Variants in CLIC6 observed in about 807,000 individuals in gnomAD.
The protein encoded by CLIC6 is CLIC family member 6.
CLIC6 carries 39 observed loss-of-function variants against 49.2 expected under a neutral mutation model. That is an observed-to-expected ratio of 0.79 (90% CI 0.61 to 1.04). CLIC6 has a LOEUF of 1.04. CLIC6 is among the 50% of genes least tolerant of loss of function. The pLI is 0.00. For missense variants in CLIC6, 988 were observed against 993.1 expected (o/e 0.99, Z 0.07); for synonymous variants, 446 against 433.4 (o/e 1.03, Z -0.36).
At chr21:34,703,294 C>T (rs2055992609) in intron 1 of CLIC6, among the ~76,000 whole-genome samples, 1 of 152,152 alleles carries the variant, frequency 6.6e-6, no homozygotes, top group Non-Finnish European at 1.5e-5. Flanking sequence ...CTTGATGGAA[C>T]GTGTTCACCA....
At position 34,717,975 on chromosome 21, in the gene CLIC6, A is replaced by G. The variant is rs1474790371; in HGVS notation, c.*1493A>G. On this transcript the variant is annotated 3_prime_UTR_variant, in exon 6 of 6. Transcript: ENST00000349499. ...CTGCTGCAGTTTTACCCCAGCAGTC[A>G]GCTGTCTTTGTCAACCATACGTTTT... The G allele has an allele frequency of 1.3e-5, 2 of 152,558 alleles. No homozygotes were observed. Among genetic ancestry groups the G allele is most frequent in the Non-Finnish European group, 2.9e-5 (2 of 68,042 alleles). The allele number at this position is 152,558 out of a possible 1,614,324, so 9.5% of individuals were successfully genotyped here.
intron 1 of CLIC6, among the ~76,000 whole-genome samples, chr21:34,685,837 G>A (rs1163786094): frequency 6.6e-6 from 1 of 152,200 alleles, no homozygotes; most frequent in Non-Finnish European, 1.5e-5. Flanking sequence ...GCTAAGGGAA[G>A]TCCTGCACAT....
intron 1 of CLIC6, among the ~76,000 whole-genome samples, chr21:34,677,695 C>A (rs1223659841): frequency 6.6e-6 from 1 of 152,114 alleles, no homozygotes; most frequent in Non-Finnish European, 1.5e-5. Flanking sequence ...CCTCCTTCAT[C>A]AGGGAGGAGA....
At position 34,707,353 on chromosome 21, in the gene CLIC6, G is replaced by A. The variant is rs2056021985; in HGVS notation, c.1448G>A (p.Gly483Asp). The A allele has an allele frequency of 1.2e-6, 2 of 1,613,768 alleles. No homozygotes were observed. The highest frequency in any genetic ancestry group is 8.5e-7 in the Non-Finnish European group (1 of 1,179,874). Residue 483 changes from glycine (G) to aspartate (D), a missense_variant, in exon 2 of 6, where the codon GGC becomes GAC. By Grantham distance (94) the Gly-to-Asp change is moderately conservative. Around this residue, in one of 3 missense-constraint regions of CLIC6, gnomAD observed 647 missense variants for 596.9 expected, o/e 1.08. Transcript: ENST00000349499. ...CTCTTTATGATTCTCTGGCTGAAAG[G>A]CGTTATATTTAATGTGACCACAGTG... ...QRLFMILWLK[G>D]VIFNVTTVDL...
chr21:34,704,593 G>A (rs759700452), intron 1 of CLIC6, among the ~76,000 whole-genome samples: 19 of 152,226 alleles, frequency 1.2e-4, no homozygotes, highest in Non-Finnish European at 2.2e-4. Context: ...CGTGTCTTAA[G>A]CTGTGGCCGA....
intron 1 of CLIC6, among the ~76,000 whole-genome samples, chr21:34,676,678 A>G (rs1989677640): frequency 6.6e-6 from 1 of 152,220 alleles, no homozygotes; most frequent in African/African-American, 2.4e-5. Flanking sequence ...ACCTGCAGAC[A>G]CAGTGGTAAT....
At chr21:34,689,515 C>A (rs1989948927) in intron 1 of CLIC6, among the ~76,000 whole-genome samples, 1 of 152,088 alleles carries the variant, frequency 6.6e-6, no homozygotes, top group African/African-American at 2.4e-5. Context: ...TTATGTCTTG[C>A]TCATTCTCAT....
At chr21:34,701,523 A>G (rs1990190919) in intron 1 of CLIC6, among the ~76,000 whole-genome samples, 1 of 152,100 alleles carries the variant, frequency 6.6e-6, no homozygotes, top group Admixed American at 6.5e-5. Flanking sequence ...ATTCCAGTGT[A>G]TCACACACAG....
chr21:34,683,728 C>T (rs555579034), intron 1 of CLIC6, among the ~76,000 whole-genome samples: 3 of 152,314 alleles, frequency 2.0e-5, no homozygotes, highest in African/African-American at 7.2e-5. Flanking sequence ...ACCCTGCTGC[C>T]ATGTAAGATG....
chr21:34,686,947 A>T (rs1989893680), intron 1 of CLIC6, among the ~76,000 whole-genome samples: 1 of 152,204 alleles, frequency 6.6e-6, no homozygotes, highest in South Asian at 2.1e-4. Context: ...CGTCAGTGCC[A>T]CACGGAACAG....
At chr21:34,688,553 G>A (rs1345669427) in intron 1 of CLIC6, among the ~76,000 whole-genome samples, 2 of 152,200 alleles carry the variant, frequency 1.3e-5, no homozygotes, top group African/African-American at 4.8e-5. Flanking sequence ...ATGGCTTGAC[G>A]CCTGCTCCAC....
At chr21:34,713,358 G>C (rs2056068621) in intron 5 of CLIC6, among the ~76,000 whole-genome samples, 1 of 152,110 alleles carries the variant, frequency 6.6e-6, no homozygotes, top group South Asian at 2.1e-4. Context: ...TTATCACAAA[G>C]GGGATGGAAA....
intron 1 of CLIC6, among the ~76,000 whole-genome samples, chr21:34,687,872 G>A (rs1248724884): frequency 1.3e-5 from 2 of 152,178 alleles, no homozygotes; most frequent in East Asian, 3.8e-4. Context: ...AATGAAGAGT[G>A]AGAAGTCTGT....
chr21:34,670,488 C>G lies in CLIC6; in HGVS notation c.1100C>G (p.Pro367Arg). Residue 367 changes from proline to arginine, a missense_variant, in exon 1 of 6, where the codon CCG becomes CGG. Transcript: ENST00000349499. ...DRVGDGPQQE[P>R]GEDEERRERS... Reference sequence around the variant, plus strand: ...GTAGGGGATGGGCCACAGCAGGAGCCGGGGGAGGACGAAGAGAGACGAGAG... The same window carrying G: ...GTAGGGGATGGGCCACAGCAGGAGCGGGGGGAGGACGAAGAGAGACGAGAG... 5.4e-6 allele frequency: 8 copies of G among 1,492,366 alleles called. No individual in the cohort carries two copies. Among genetic ancestry groups the G allele is most frequent in the Non-Finnish European group, 7.1e-6 (8 of 1,120,986 alleles). The allele number at this position is 1,492,366 out of a possible 1,614,324, so 92.4% of individuals were successfully genotyped here.
chr21:34,709,294 G>A (rs112154158), intron 4 of CLIC6, 63 bp from the exon 5 acceptor site: 2 of 1,454,186 alleles, frequency 1.4e-6, no homozygotes, highest in South Asian at 2.4e-5. Flanking sequence ...CTCCATCACA[G>A]CTGGTGAAAA....
At chr21:34,693,622 A>G (rs570571626) in intron 1 of CLIC6, among the ~76,000 whole-genome samples, 7 of 152,324 alleles carry the variant, frequency 4.6e-5, no homozygotes, top group African/African-American at 1.7e-4. Flanking sequence ...TGCCAAGTTG[A>G]AAAATTGGCG....
rs975557601 is a variant in CLIC6 at position 34,670,339 on chromosome 21, G to T, written c.951G>T (p.Glu317Asp). ...AGGCAATTGAGGTCGCAGCCGGGGA[G>T]AGTGCGGGGCGCAGCCCCGGTGAGC... is the stretch of plus-strand genomic sequence containing the variant. ...QAEAIEVAAG[E>D]SAGRSPGELA... The change falls in exon 1 of 6, where the codon GAG (glutamate) becomes GAT (aspartate). Residue 317 changes from glutamate to aspartate, a missense_variant. By Grantham distance (45) the Glu-to-Asp change is conservative (BLOSUM62 2). Coordinates refer to ENST00000349499, the MANE Select transcript of CLIC6 (RefSeq NM_053277.3). The T allele has an allele frequency of 1.7e-5, 24 of 1,451,380 alleles. No individual in the cohort carries two copies. Among genetic ancestry groups the T allele is most frequent in the Non-Finnish European group, 2.2e-5 (24 of 1,102,928 alleles). The allele number at this position is 1,451,380 out of a possible 1,614,324, so 89.9% of individuals were successfully genotyped here. A position where few individuals can be genotyped will look rare whatever the true frequency, so the allele number is the denominator to read the frequency against.
intron 1 of CLIC6, among the ~76,000 whole-genome samples, chr21:34,672,477 CCT>C (rs888444472): frequency 9.2e-5 from 14 of 152,228 alleles, no homozygotes; most frequent in Non-Finnish European, 7.3e-5. Flanking sequence ...CCTCCTCGCC[CCT>C]GTCTGCCCTC....
intron 1 of CLIC6, among the ~76,000 whole-genome samples, chr21:34,673,022 T>C (rs1258876699): frequency 2.6e-5 from 4 of 152,188 alleles, no homozygotes; most frequent in Non-Finnish European, 5.9e-5. Context: ...ATTTTATTTA[T>C]TTTTAGGGAA....
Sources: gnomAD v4.1 joint callset for allele counts (sites outside exome capture counted in the v4.1 genomes callset) on GRCh38, gnomAD v4.1.1 for gene constraint, gnomAD v4.1.1 regional missense constraint, MANE v1.5 for transcripts, NCBI Gene and HGNC (gene_info 2026-07-23, HGNC 2026-07-21) for gene names.